SLC35H1: variants seen among roughly 807,000 people sequenced by gnomAD.
SLC35H1 encodes solute carrier family 35 member H1, also known as ovarian cancer-overexpressed gene 1 protein.
At chr20:46,357,536 C>A in the SLC35H1 span, 2 of 1,486,972 alleles carry the variant, frequency 1.3e-6, no homozygotes, top group Non-Finnish European at 1.8e-6. Context: ...GACTTGGCTT[C>A]CAGACATGCG....
the SLC35H1 span, chr20:46,358,901 G>A: frequency 3.8e-5 from 25 of 659,048 alleles, no homozygotes; most frequent in African/African-American, 3.6e-4. Context: ...AGAGACCCAC[G>A]TCGTGTCTGC....
At chr20:46,353,376 T>C in the SLC35H1 span, among the ~76,000 whole-genome samples, 1 of 152,214 alleles carries the variant, frequency 6.6e-6, no homozygotes, top group Non-Finnish European at 1.5e-5. Flanking sequence ...ACTGTCCATC[T>C]GGAAGAATGA....
chr20:46,356,256 G>T, the SLC35H1 span, among the ~76,000 whole-genome samples: 385 of 152,318 alleles, frequency 2.5e-3, 9 homozygotes, highest in East Asian at 0.057. Context: ...CTGCGGCTGC[G>T]TGTACCACCC....
chr20:46,357,601 C>G, the SLC35H1 span: 8 of 1,608,994 alleles, frequency 5.0e-6, no homozygotes, highest in Non-Finnish European at 6.8e-6. Flanking sequence ...CTGCTCTGCC[C>G]TCACTGAGGT....
the SLC35H1 span, among the ~76,000 whole-genome samples, chr20:46,360,621 CA>C: frequency 6.6e-6 from 1 of 152,002 alleles, no homozygotes; most frequent in African/African-American, 2.4e-5. Flanking sequence ...CTCGGCTCAC[CA>C]CAAGCTCCGC....
the SLC35H1 span, chr20:46,352,301 G>T: frequency 5.3e-6 from 7 of 1,313,982 alleles, no homozygotes; most frequent in African/African-American, 1.0e-4. Context: ...AACCACACAA[G>T]ATCTTCCACT....
the SLC35H1 span, among the ~76,000 whole-genome samples, chr20:46,353,615 C>T: frequency 2.0e-5 from 3 of 152,256 alleles, no homozygotes; most frequent in African/African-American, 4.8e-5. Context: ...ACTGCAAAGG[C>T]GTCGGCAAAT....
chr20:46,356,420 G>A, the SLC35H1 span, among the ~76,000 whole-genome samples: 1 of 152,318 alleles, frequency 6.6e-6, no homozygotes, highest in Admixed American at 6.5e-5. Flanking sequence ...CGACTTCCCG[G>A]AGAGCTGCTG....
chr20:46,357,546 G>A, the SLC35H1 span: 118 of 1,514,134 alleles, frequency 7.8e-5, no homozygotes, highest in Middle Eastern at 2.4e-4. Flanking sequence ...CCAGACATGC[G>A]GGTGTCTCTC....
chr20:46,357,021 C>G, the SLC35H1 span, among the ~76,000 whole-genome samples: 1 of 152,226 alleles, frequency 6.6e-6, no homozygotes, highest in Non-Finnish European at 1.5e-5. Context: ...CCCACCCTCT[C>G]AGTTCTCATT....
the SLC35H1 span, chr20:46,350,925 C>G: frequency 6.2e-7 from 1 of 1,611,700 alleles, no homozygotes; most frequent in Non-Finnish European, 8.5e-7. Context: ...GCATGATCAA[C>G]AGGCAGATTT....
At chr20:46,355,013 T>A in the SLC35H1 span, 1 of 1,613,768 alleles carries the variant, frequency 6.2e-7, no homozygotes. The surrounding 1 kb of genome is among the most constrained non-coding windows in gnomAD (Gnocchi z 4.8). Context: ...GGCCCTGCCC[T>A]GCCTCCGCCC....
chr20:46,355,736 C>G, the SLC35H1 span: 1 of 1,609,030 alleles, frequency 6.2e-7, no homozygotes, highest in Non-Finnish European at 8.5e-7. The surrounding 1 kb of genome is among the most constrained non-coding windows in gnomAD (Gnocchi z 4.8). Flanking sequence ...AGCCACTGCT[C>G]AGACTCCCAC....
the SLC35H1 span, among the ~76,000 whole-genome samples, chr20:46,356,897 C>A: frequency 1.3e-4 from 20 of 152,210 alleles, no homozygotes. Flanking sequence ...CCGGCGAGCC[C>A]CCTGAGCGGA....
the SLC35H1 span, among the ~76,000 whole-genome samples, chr20:46,354,384 C>T: frequency 2.0e-5 from 3 of 152,090 alleles, no homozygotes; most frequent in Admixed American, 6.5e-5. Flanking sequence ...TCTGACTTGC[C>T]TGATTACTCC....
the SLC35H1 span, chr20:46,349,206 C>G: frequency 6.6e-6 from 1 of 152,370 alleles, no homozygotes; most frequent in South Asian, 2.1e-4. Flanking sequence ...AAAGCTTTGT[C>G]CCCAAGGGCC....
chr20:46,355,272 T>G, the SLC35H1 span: 7 of 1,589,346 alleles, frequency 4.4e-6, no homozygotes, highest in African/African-American at 2.7e-5. The surrounding 1 kb of genome is among the most constrained non-coding windows in gnomAD (Gnocchi z 4.8). Context: ...GGCAGCTAAC[T>G]CGGGGGTCTT....
chr20:46,350,862 T>A, the SLC35H1 span: 1 of 1,613,996 alleles, frequency 6.2e-7, no homozygotes, highest in Non-Finnish European at 8.5e-7. Flanking sequence ...GCCCAGCAGA[T>A]GAGCTGCCAA....
chr20:46,347,217 G>A, the SLC35H1 span: 1 of 152,208 alleles, frequency 6.6e-6, no homozygotes, highest in African/African-American at 2.4e-5. Flanking sequence ...AGAGAGACAC[G>A]TCTCTCACTC....
Sources: gnomAD v4.1 joint callset for allele counts (sites outside exome capture counted in the v4.1 genomes callset) on GRCh38, gnomAD v4.1.1 for gene constraint, Gnocchi (gnomAD v3.1) non-coding constraint, MANE v1.5 for transcripts, NCBI Gene and HGNC (gene_info 2026-07-23, HGNC 2026-07-21) for gene names.